Variants in TSPAN5 observed in about 807,000 individuals in gnomAD.
TSPAN5 encodes the protein tetraspanin-5.
A neutral mutation model predicts 37.1 loss-of-function variants in TSPAN5; 10 were observed. The observed-to-expected ratio is 0.27, with a 90% CI of 0.17 to 0.46. TSPAN5 has a LOEUF of 0.46. Among genes scored for constraint, TSPAN5 ranks in the 20% least tolerant of loss-of-function variants. The pLI, the probability that TSPAN5 is intolerant of heterozygous loss-of-function variation, is 1.00. For synonymous variants in TSPAN5, 110 were observed against 118.9 expected (o/e 0.93, Z 0.48); for missense variants, 195 against 326.6 (o/e 0.60, Z 3.11).
At chr4:98,599,471 T>C (rs1262243838) in intron 1 of TSPAN5, among the ~76,000 whole-genome samples, 6 of 152,314 alleles carry the variant, frequency 3.9e-5, no homozygotes, top group Admixed American at 3.9e-4. Context: ...TAAAATAAAA[T>C]ATATTCATTT....
chr4:98,620,924 C>A (rs181816722), intron 1 of TSPAN5, among the ~76,000 whole-genome samples: 1 of 152,168 alleles, frequency 6.6e-6, no homozygotes, highest in African/African-American at 2.4e-5. Flanking sequence ...ATGGGTTGAA[C>A]TGCATATCCC....
chr4:98,628,326 C>G (rs1435312435), intron 1 of TSPAN5, among the ~76,000 whole-genome samples: 1 of 152,012 alleles, frequency 6.6e-6, no homozygotes, highest in Non-Finnish European at 1.5e-5. Context: ...TGTCTAGATA[C>G]AGTGGACCCA....
intron 1 of TSPAN5, among the ~76,000 whole-genome samples, chr4:98,571,014 A>C (rs1755106496): frequency 6.6e-6 from 1 of 151,870 alleles, no homozygotes; most frequent in South Asian, 2.1e-4. Context: ...TCTATCTCAA[A>C]AAAAAAAAGA....
At chr4:98,611,682 T>C (rs1256259725) in intron 1 of TSPAN5, among the ~76,000 whole-genome samples, 1 of 152,242 alleles carries the variant, frequency 6.6e-6, no homozygotes, top group East Asian at 1.9e-4. Flanking sequence ...AATTGTGCCT[T>C]ACCAGGTAAG....
At chr4:98,474,537 A>T (rs1351020603) in intron 7 of TSPAN5, among the ~76,000 whole-genome samples, 1 of 152,010 alleles carries the variant, frequency 6.6e-6, no homozygotes, top group African/African-American at 2.4e-5. Flanking sequence ...TTGTAGAGAC[A>T]GGGTTTTGTC....
intron 1 of TSPAN5, among the ~76,000 whole-genome samples, chr4:98,625,133 C>T (rs186029964): frequency 1.7e-3 from 253 of 152,244 alleles, no homozygotes; most frequent in Admixed American, 3.6e-3. Flanking sequence ...TGTAAGAGCC[C>T]TATGGGCAGT....
chr4:98,531,135 T>C (rs1452716774), intron 1 of TSPAN5, among the ~76,000 whole-genome samples: 1 of 152,212 alleles, frequency 6.6e-6, no homozygotes, highest in Non-Finnish European at 1.5e-5. Flanking sequence ...TTTCATTACA[T>C]AGGTATACAC....
At chr4:98,563,726 G>A (rs1754928052) in intron 1 of TSPAN5, among the ~76,000 whole-genome samples, 1 of 152,220 alleles carries the variant, frequency 6.6e-6, no homozygotes. Flanking sequence ...AAGAATGCTA[G>A]TGAGTTTCTA....
intron 1 of TSPAN5, among the ~76,000 whole-genome samples, chr4:98,576,115 C>T (rs932703888): frequency 6.6e-6 from 1 of 151,920 alleles, no homozygotes; most frequent in Non-Finnish European, 1.5e-5. Context: ...CTTTCTCAGC[C>T]TCTGATAACT....
intron 1 of TSPAN5, among the ~76,000 whole-genome samples, chr4:98,549,910 A>AT: frequency 6.6e-6 from 1 of 151,384 alleles, no homozygotes; most frequent in Non-Finnish European, 1.5e-5. Context: ...CCATTTCTCC[A>AT]TTTTTATTTT....
intron 1 of TSPAN5, among the ~76,000 whole-genome samples, chr4:98,520,245 C>A (rs767068277): frequency 6.6e-6 from 1 of 152,122 alleles, no homozygotes; most frequent in Admixed American, 6.5e-5. Flanking sequence ...GGGGAAGGGG[C>A]CAGCTCTACT....
intron 1 of TSPAN5, among the ~76,000 whole-genome samples, chr4:98,589,690 T>G (rs908282177): frequency 4.6e-5 from 7 of 152,136 alleles, no homozygotes; most frequent in Non-Finnish European, 7.4e-5. Flanking sequence ...ACAGCAACAA[T>G]GTAATTAAGC....
chr4:98,640,142 G>A (rs57281820), intron 1 of TSPAN5, among the ~76,000 whole-genome samples: 3,308 of 151,990 alleles, frequency 0.022, 144 homozygotes, highest in African/African-American at 0.075. Flanking sequence ...AAAAAAAACT[G>A]TAATCATGCA....
At position 98,592,421 on chromosome 4, in the gene TSPAN5, G is replaced by GTTTTTTTTTTTTT. The variant is rs1204813183; in HGVS notation, c.81+65724_81+65725insAAAAAAAAAAAAA. 6.0e-4 allele frequency among the ~76,000 whole-genome samples: 57 copies of GTTTTTTTTTTTTT among 95,216 alleles called. 1 individual carries two copies. Among genetic ancestry groups the GTTTTTTTTTTTTT allele is most frequent in the African/African-American group, 1.7e-3 (38 of 22,742 alleles). 62.5% of individuals were successfully genotyped at this position (95,216 alleles called of 152,430 possible). A position where few individuals can be genotyped will look rare whatever the true frequency, so the allele number is the denominator to read the frequency against. ...TGGTTTACCTAACTAAGGGATCTCT[G>GTTTTTTTTTTTTT]TTTTTTGTTTTTTTTTTTTTTTTTT... On this transcript the variant is annotated intron_variant, in intron 1 of 7. Transcript: ENST00000305798.
At chr4:98,551,721 C>T (rs896939536) in intron 1 of TSPAN5, among the ~76,000 whole-genome samples, 4 of 149,834 alleles carry the variant, frequency 2.7e-5, no homozygotes, top group Non-Finnish European at 5.9e-5. Flanking sequence ...AGGATAGTCT[C>T]GATCTCCTGA....
intron 1 of TSPAN5, among the ~76,000 whole-genome samples, chr4:98,639,997 G>C (rs1244421532): frequency 1.3e-5 from 2 of 152,096 alleles, no homozygotes; most frequent in African/African-American, 4.8e-5. Context: ...ACTAACTTAG[G>C]GAAGGGAGGG....
chr4:98,496,892 T>C (rs900686898), intron 2 of TSPAN5, among the ~76,000 whole-genome samples: 1 of 152,166 alleles, frequency 6.6e-6, no homozygotes, highest in Non-Finnish European at 1.5e-5. Flanking sequence ...ATGGACTAAA[T>C]GTTCGTGACT....
At chr4:98,533,323 C>T (rs1409151303) in intron 1 of TSPAN5, among the ~76,000 whole-genome samples, 1 of 151,826 alleles carries the variant, frequency 6.6e-6, no homozygotes, top group Non-Finnish European at 1.5e-5. Context: ...TGGTCCTGGA[C>T]ATTTTGTTGG....
At chr4:98,539,185 G>A (rs1023893817) in intron 1 of TSPAN5, among the ~76,000 whole-genome samples, 1 of 150,250 alleles carries the variant, frequency 6.7e-6, no homozygotes, top group Non-Finnish European at 1.5e-5. Context: ...TACTTTCAAT[G>A]CTTGTATGTT....
Sources: allele counts gnomAD v4.1 joint callset (sites outside exome capture counted in the v4.1 genomes callset), GRCh38; gene constraint gnomAD v4.1.1; transcripts MANE v1.5; gene names NCBI Gene and HGNC (gene_info 2026-07-23, HGNC 2026-07-21).